SLC3A1: variants seen among roughly 807,000 people sequenced by gnomAD.
SLC3A1 encodes amino acid transporter heavy chain SLC3A1.
In SLC3A1, 78 loss-of-function variants were observed where a neutral mutation model predicts 60.3. The observed-to-expected ratio is 1.29, with a 90% CI of 1.08 to 1.56. The LOEUF is 1.56. Among genes scored for constraint, SLC3A1 ranks in the 40% most tolerant of loss-of-function variants. The pLI is 0.00. For synonymous variants in SLC3A1, 392 were observed against 307.9 expected (o/e 1.27, Z -2.86); for missense variants, 1,172 against 858.9 (o/e 1.36, Z -4.56).
rs773081288 is a variant in SLC3A1 at position 44,275,670 on chromosome 2, G to A, written c.135G>A (p.Lys45=). Residue 45 remains lysine, a synonymous_variant, in exon 1 of 10, where the codon AAG becomes AAA. Transcript: ENST00000260649. ...PDPGSSTDNL[K]HSTRGILGSQ... Reference sequence around the variant, plus strand: ...CAGGAAGCTCAACAGACAACCTGAAGCACAGCACCAGGGGCATCCTTGGCT... The same window carrying A: ...CAGGAAGCTCAACAGACAACCTGAAACACAGCACCAGGGGCATCCTTGGCT... 2 of 1,614,200 alleles carry A rather than the reference G, an allele frequency of 1.2e-6. No homozygotes were observed. The highest frequency in any genetic ancestry group is 8.5e-7 in the Non-Finnish European group (1 of 1,180,028).
In SLC3A1 at chr2:44,320,485, C is replaced by T. The variant is rs558927581; in HGVS notation, c.1904C>T (p.Thr635Ile). 6.2e-7 allele frequency: 1 copy of T among 1,614,126 alleles called. No homozygotes were observed. The highest frequency in any genetic ancestry group is 1.3e-5 in the African/African-American group (1 of 75,050). ...NSADKGSKVD[T>I]SGIFLDKGEG... The stretch of plus-strand genomic sequence containing the variant: ...GCCGACAAAGGCAGTAAAGTTGATA[C>T]AAGTGGCATTTTTCTGGACAAGGGA... The change falls in exon 10 of 10, where the codon ACA (threonine) becomes ATA (isoleucine). Residue 635 changes from threonine to isoleucine, a missense_variant. By Grantham distance (89) the Thr-to-Ile change is moderately conservative (BLOSUM62 -1). Coordinates refer to ENST00000260649, the MANE Select transcript of SLC3A1 (RefSeq NM_000341.4).
At chr2:44,287,773 A>C (rs1478702477) in intron 4 of SLC3A1, among the ~76,000 whole-genome samples, 1 of 152,158 alleles carries the variant, frequency 6.6e-6, no homozygotes, top group African/African-American at 2.4e-5. Flanking sequence ...CTCTGAGCCA[A>C]GTAGGTGGGA....
At chr2:44,322,200 A>C (rs1033966071), downstream of SLC3A1, among the ~76,000 whole-genome samples, 1 of 152,164 alleles carries the variant, frequency 6.6e-6, no homozygotes, top group African/African-American at 2.4e-5. Flanking sequence ...TATGCCCTGG[A>C]AACACCAACT....
downstream of SLC3A1, chr2:44,321,707 C>G (rs560230132): frequency 6.3e-6 from 10 of 1,586,362 alleles, no homozygotes; most frequent in South Asian, 1.0e-4. Context: ...CTGGGTCTCA[C>G]CCATAGATAG....
rs1238842741 is a variant in SLC3A1 at position 44,304,134 on chromosome 2, C to G, written c.1137-9C>G. 1.2e-6 allele frequency: 2 copies of G among 1,612,190 alleles called. No homozygotes were observed. The highest frequency in any genetic ancestry group is 3.3e-5 in the Admixed American group (2 of 60,018). Reference sequence around the variant, plus strand: ...CCCCGATGACACTGAACCTTGTCAACTCTTATAGGTTCATGGGGACTGAAG... The same window carrying G: ...CCCCGATGACACTGAACCTTGTCAAGTCTTATAGGTTCATGGGGACTGAAG... On this transcript the variant is annotated splice_polypyrimidine_tract_variant and intron_variant, in intron 6 of 9. Coordinates refer to ENST00000260649, the MANE Select transcript of SLC3A1 (RefSeq NM_000341.4).
intron 2 of SLC3A1, 110 bp downstream of exon 2, chr2:44,281,005 C>A: frequency 2.6e-6 from 2 of 778,036 alleles, no homozygotes; most frequent in Non-Finnish European, 4.2e-6. Context: ...CTATTTCTTT[C>A]CCTCCCTCCC....
chr2:44,319,936 G>C (rs1293851801), intron 9 of SLC3A1: 2 of 401,996 alleles, frequency 5.0e-6, no homozygotes, highest in African/African-American at 4.1e-5. Flanking sequence ...AGTCAAATTT[G>C]ATCTCTACAG....
At chr2:44,276,601 CTG>C (rs1327639216) in intron 1 of SLC3A1, among the ~76,000 whole-genome samples, 1 of 147,718 alleles carries the variant, frequency 6.8e-6, no homozygotes, top group Non-Finnish European at 1.5e-5. Flanking sequence ...TGGCGCATGA[CTG>C]TAGTTGCAGC....
At chr2:44,301,809 A>T (rs1452977464) in intron 6 of SLC3A1, among the ~76,000 whole-genome samples, 1 of 151,600 alleles carries the variant, frequency 6.6e-6, no homozygotes, top group African/African-American at 2.4e-5. Flanking sequence ...CATGCCTGTA[A>T]TCCCAGCACT....
At chr2:44,311,475 C>A (rs1672294122) in intron 7 of SLC3A1, among the ~76,000 whole-genome samples, 2 of 152,168 alleles carry the variant, frequency 1.3e-5, no homozygotes, top group South Asian at 4.1e-4. Flanking sequence ...TTGTTAAAAA[C>A]CGGACATTTT....
At chr2:44,313,690 G>C in intron 8 of SLC3A1, 145 bp from the exon 9 acceptor site, 1 of 746,160 alleles carries the variant, frequency 1.3e-6, no homozygotes, top group Non-Finnish European at 2.4e-6. Flanking sequence ...ACCGAAAGTT[G>C]AGGCCTTTTC....
intron 4 of SLC3A1, among the ~76,000 whole-genome samples, chr2:44,299,434 A>C (rs1266266218): frequency 6.6e-6 from 1 of 152,186 alleles, no homozygotes; most frequent in Non-Finnish European, 1.5e-5. Context: ...TACTTGGTTG[A>C]TGGTTGATTC....
intron 4 of SLC3A1, among the ~76,000 whole-genome samples, chr2:44,295,918 G>C (rs1046547066): frequency 1.3e-5 from 2 of 152,186 alleles, no homozygotes; most frequent in Admixed American, 1.3e-4. Flanking sequence ...CCCAGGTTGC[G>C]CGGGGTCTGA....
At position 44,310,224 on chromosome 2, in the gene SLC3A1, G is replaced by T. The variant is rs570067873; in HGVS notation, c.1333-2362G>T. Among the ~76,000 whole-genome samples, 16 of 152,234 alleles carry T rather than the reference G, an allele frequency of 1.1e-4. No individual in the cohort carries two copies. In the East Asian group the frequency reaches 2.7e-3, roughly 26 times the overall value. On this transcript the variant is annotated intron_variant, in intron 7 of 9. Coordinates refer to ENST00000260649, the MANE Select transcript of SLC3A1 (RefSeq NM_000341.4). The stretch of plus-strand genomic sequence containing the variant: ...CATATAGTACTTCTGTGATTTTGAG[G>T]AACTACCAAACTGTTTTCCATAGTG...
chr2:44,290,817 G>C (rs1337966702), intron 4 of SLC3A1, among the ~76,000 whole-genome samples: 1 of 151,290 alleles, frequency 6.6e-6, no homozygotes, highest in African/African-American at 2.4e-5. Flanking sequence ...GGGTTGTGGG[G>C]TGGGTAGTTG....
At chr2:44,322,239 G>A (rs1303650466), downstream of SLC3A1, among the ~76,000 whole-genome samples, 1 of 152,112 alleles carries the variant, frequency 6.6e-6, no homozygotes, top group Non-Finnish European at 1.5e-5. Flanking sequence ...GACAAATGGA[G>A]ATGAATACAG....
At chr2:44,320,058 T>C (rs1672792723) in intron 9 of SLC3A1, 141 bp from the exon 10 acceptor site, 2 of 662,068 alleles carry the variant, frequency 3.0e-6, no homozygotes, top group Non-Finnish European at 5.2e-6. Context: ...TACCTACTTA[T>C]TGATGCTTAC....
chr2:44,278,269 C>A (rs528638024), intron 1 of SLC3A1, among the ~76,000 whole-genome samples: 7 of 151,710 alleles, frequency 4.6e-5, no homozygotes, highest in African/African-American at 1.7e-4. Context: ...ACGGTGAAAC[C>A]CCGTCTCTAC....
intron 7 of SLC3A1, among the ~76,000 whole-genome samples, chr2:44,309,213 C>G (rs764301093): frequency 1.3e-5 from 2 of 152,112 alleles, no homozygotes; most frequent in East Asian, 1.9e-4. Context: ...ACAATAATTC[C>G]TCACTTCCAC....
Sources: allele counts gnomAD v4.1 joint callset (sites outside exome capture counted in the v4.1 genomes callset), GRCh38; gene constraint gnomAD v4.1.1; transcripts MANE v1.5; gene names NCBI Gene and HGNC (gene_info 2026-07-23, HGNC 2026-07-21).